The following GNB4 variants were observed in gnomAD, a reference collection of about 807,000 sequenced individuals.
GNB4 encodes the protein guanine nucleotide-binding protein subunit beta-4.
A neutral mutation model predicts 45.2 loss-of-function variants in GNB4; 28 were observed. The observed-to-expected ratio is 0.62, with a 90% CI of 0.46 to 0.85. The LOEUF is 0.85. GNB4 is among the 40% of genes least tolerant of loss of function. The pLI, the probability that GNB4 is intolerant of heterozygous loss-of-function variation, is 0.00. For missense variants in GNB4, 321 were observed against 425.4 expected (o/e 0.75, Z 2.16); for synonymous variants, 132 against 143.7 (o/e 0.92, Z 0.58).
At chr3:179,472,861 T>C in the GNB4 span, among the ~76,000 whole-genome samples, 1 of 152,164 alleles carries the variant, frequency 6.6e-6, no homozygotes, top group Non-Finnish European at 1.5e-5. Context: ...CCAAATTCAC[T>C]CTTTGAAAAT....
the GNB4 span, among the ~76,000 whole-genome samples, chr3:179,468,932 T>C: frequency 6.6e-6 from 1 of 152,304 alleles, no homozygotes; most frequent in East Asian, 1.9e-4. Flanking sequence ...TGAAGCCTGC[T>C]ACCTGGGGGC....
intron 1 of GNB4, among the ~76,000 whole-genome samples, chr3:179,445,072 A>G (rs1715685178): frequency 6.6e-6 from 1 of 152,184 alleles, no homozygotes; most frequent in Non-Finnish European, 1.5e-5. Flanking sequence ...GAGCCTAGCA[A>G]TTATTAGTTC....
chr3:179,397,786 G>C lies in GNB4; in HGVS notation c.*3427C>G, dbSNP rs1372108643. 1 of 152,620 alleles carries C rather than the reference G, an allele frequency of 6.6e-6. No homozygotes were observed. The highest frequency in any genetic ancestry group is 1.5e-5 in the Non-Finnish European group (1 of 68,070). 9.5% of individuals were successfully genotyped at this position (152,620 alleles called of 1,614,324 possible). A position where few individuals can be genotyped will look rare whatever the true frequency, so the allele number is the denominator to read the frequency against. On this transcript the variant is annotated 3_prime_UTR_variant, in exon 10 of 10. Coordinates refer to ENST00000232564, the MANE Select transcript of GNB4 (RefSeq NM_021629.4). Reference sequence around the variant, plus strand: ...GAATCTTGCTCTGTCGCTCGGGTTGGAGTGCAGTGGCGCCATCTCAGCTCA... The same window carrying C: ...GAATCTTGCTCTGTCGCTCGGGTTGCAGTGCAGTGGCGCCATCTCAGCTCA...
Position 179,405,202 on chromosome 3 carries a change from CT to C in GNB4, c.903del (p.Gly302GlufsTer14). ...CTTATTTACTAACCTGCACGATCTCCTTTTAGCGTGTCCCATACATTACAAT... is the reference window on the plus strand; with the variant it reads ...CTTATTTACTAACCTGCACGATCTCCTTTAGCGTGTCCCATACATTACAAT... ...DFNCNVWDTL[K>X]GDRAGVLAGH... On this transcript the variant is annotated frameshift_variant, in exon 9 of 10. Coordinates refer to ENST00000232564, the MANE Select transcript of GNB4 (RefSeq NM_021629.4). LOFTEE classifies it high-confidence loss of function. 1 of 1,613,746 alleles carries C rather than the reference CT, an allele frequency of 6.2e-7. No homozygotes were observed. Among genetic ancestry groups the C allele is most frequent in the Non-Finnish European group, 8.5e-7 (1 of 1,179,796 alleles).
chr3:179,420,773 GATTTC>G (rs991584939), intron 3 of GNB4, 111 bp downstream of exon 3: 11 of 712,174 alleles, frequency 1.5e-5, no homozygotes, highest in Middle Eastern at 2.9e-4. Flanking sequence ...TTTACACAGA[GATTTC>G]ATTTAACTTT....
At chr3:179,459,138 C>T in the GNB4 span, among the ~76,000 whole-genome samples, 26,316 of 152,110 alleles carry the variant, frequency 0.17, 2,782 homozygotes, top group African/African-American at 0.28. Context: ...CAGGGGTAGG[C>T]GTGGGGAGGT....
the GNB4 span, among the ~76,000 whole-genome samples, chr3:179,478,595 G>A: frequency 1.3e-5 from 2 of 152,144 alleles, no homozygotes; most frequent in Non-Finnish European, 2.9e-5. Context: ...CCAGGCTGGA[G>A]TGCAGTGGCA....
At chr3:179,515,981 G>A in the GNB4 span, among the ~76,000 whole-genome samples, 4 of 152,170 alleles carry the variant, frequency 2.6e-5, no homozygotes, top group Non-Finnish European at 5.9e-5. Flanking sequence ...CTAAATGCAA[G>A]ACACAGGGTC....
the GNB4 span, among the ~76,000 whole-genome samples, chr3:179,526,494 C>T: frequency 6.6e-6 from 1 of 152,144 alleles, no homozygotes. Flanking sequence ...ATCAAATATC[C>T]CTCAGAAGAT....
At position 179,402,893 on chromosome 3, in the gene GNB4, C is replaced by T. The variant is rs550792650; in HGVS notation, c.917-1574G>A. On this transcript the variant is annotated intron_variant, in intron 9 of 9. Transcript: ENST00000232564. ...GGTGACAGATCATCCTGCGCTGTGG[C>T]GTAAGGCCAGAGACTCACTCAGAGG... 1.4e-4 allele frequency among the ~76,000 whole-genome samples: 21 copies of T among 152,244 alleles called. 1 individual carries two copies. The highest frequency in any genetic ancestry group is 4.2e-4 in the South Asian group (2 of 4,818).
At chr3:179,488,606 T>A in the GNB4 span, among the ~76,000 whole-genome samples, 1 of 152,248 alleles carries the variant, frequency 6.6e-6, no homozygotes, top group Middle Eastern at 3.4e-3. Context: ...AATGCTAGAT[T>A]TGAAATCGAA....
chr3:179,465,804 TCTTCTTC>T, the GNB4 span, among the ~76,000 whole-genome samples: 2 of 98,570 alleles, frequency 2.0e-5, no homozygotes, highest in African/African-American at 7.3e-5. Context: ...TTTTTCTTCT[TCTTCTTC>T]TTCTTCTTCT....
the GNB4 span, chr3:179,464,932 G>C: frequency 6.5e-7 from 1 of 1,536,188 alleles, no homozygotes. Flanking sequence ...GGAAGAATGT[G>C]GTTGTGGCTG....
intron 2 of GNB4, among the ~76,000 whole-genome samples, chr3:179,422,118 C>T (rs1370860031): frequency 6.6e-6 from 1 of 152,064 alleles, no homozygotes; most frequent in Non-Finnish European, 1.5e-5. Context: ...AATCTCTGCC[C>T]TCATTGAGCT....
At chr3:179,482,571 C>G in the GNB4 span, among the ~76,000 whole-genome samples, 1 of 152,204 alleles carries the variant, frequency 6.6e-6, no homozygotes. Flanking sequence ...TCCCTGCCCC[C>G]ACTAATGCCT....
chr3:179,524,557 A>C, the GNB4 span, among the ~76,000 whole-genome samples: 1 of 152,184 alleles, frequency 6.6e-6, no homozygotes, highest in Admixed American at 6.5e-5. Context: ...AGGTGAATTA[A>C]GTCCTGTTGT....
chr3:179,422,361 T>C (rs1391366888), intron 2 of GNB4, among the ~76,000 whole-genome samples: 1 of 151,886 alleles, frequency 6.6e-6, no homozygotes, highest in Non-Finnish European at 1.5e-5. Flanking sequence ...GCGTGATGGC[T>C]CATGCCTATA....
chr3:179,448,237 T>C (rs1166172086), intron 1 of GNB4, among the ~76,000 whole-genome samples: 1 of 152,210 alleles, frequency 6.6e-6, no homozygotes, highest in African/African-American at 2.4e-5. Context: ...AGTGCTGGGA[T>C]TACAGGTGTG....
At chr3:179,402,172 AAAATG>A (rs1398648257) in intron 9 of GNB4, among the ~76,000 whole-genome samples, 1 of 152,224 alleles carries the variant, frequency 6.6e-6, no homozygotes, top group East Asian at 1.9e-4. Flanking sequence ...AATAACAAAA[AAAATG>A]AACATTGTGG....
Sources: gnomAD v4.1 joint callset for allele counts (sites outside exome capture counted in the v4.1 genomes callset) on GRCh38, gnomAD v4.1.1 for gene constraint, MANE v1.5 for transcripts, NCBI Gene and HGNC (gene_info 2026-07-23, HGNC 2026-07-21) for gene names.